ERC2: variants seen among roughly 807,000 people sequenced by gnomAD.
ERC2 encodes the protein ELKS/RAB6-interacting/CAST family member 2, also known as ERC protein 2.
A neutral mutation model predicts 114.8 loss-of-function variants in ERC2; 42 were observed. The observed-to-expected ratio is 0.37, with a 90% confidence interval of 0.29 to 0.47. The LOEUF is 0.47. ERC2 is among the 20% of genes least tolerant of loss of function. The pLI is 0.99. For missense variants in ERC2, 939 were observed against 1,150.7 expected (o/e 0.82, Z 2.66); for synonymous variants, 454 against 425.5 (o/e 1.07, Z -0.82).
intron 14 of ERC2, among the ~76,000 whole-genome samples, chr3:55,736,252 G>C (rs149533162): frequency 1.3e-5 from 2 of 152,066 alleles, no homozygotes; most frequent in Non-Finnish European, 2.9e-5. Context: ...AACACATTAC[G>C]CTAATCAGCC....
intron 2 of ERC2, among the ~76,000 whole-genome samples, chr3:56,429,971 T>A (rs2061722957): frequency 6.6e-6 from 1 of 152,116 alleles, no homozygotes; most frequent in Non-Finnish European, 1.5e-5. Context: ...GCAGGAGCCC[T>A]CGACAACGCT....
intron 3 of ERC2, among the ~76,000 whole-genome samples, chr3:56,289,339 G>A (rs1249246017): frequency 6.6e-6 from 1 of 151,956 alleles, no homozygotes; most frequent in Non-Finnish European, 1.5e-5. Flanking sequence ...CACACTCTTG[G>A]CAACCTGAAT....
chr3:55,787,093 A>C (rs1023311721), intron 14 of ERC2, among the ~76,000 whole-genome samples: 54 of 152,250 alleles, frequency 3.5e-4, no homozygotes, highest in African/African-American at 1.2e-3. Flanking sequence ...CTGAGCATCA[A>C]CTTACTCATC....
chr3:55,642,336 CT>C (rs1216580554), intron 17 of ERC2, among the ~76,000 whole-genome samples: 20 of 92,634 alleles, frequency 2.2e-4, no homozygotes, highest in African/African-American at 5.4e-4. Flanking sequence ...TTTTTCTTTT[CT>C]TTTTTTTTTT....
At chr3:56,018,239 C>T (rs1375729510) in intron 8 of ERC2, among the ~76,000 whole-genome samples, 1 of 152,158 alleles carries the variant, frequency 6.6e-6, no homozygotes, top group Non-Finnish European at 1.5e-5. Context: ...AATGAAGAAA[C>T]TGAGAGGTTA....
chr3:56,273,844 C>T (rs574721552), intron 3 of ERC2, among the ~76,000 whole-genome samples: 30 of 152,296 alleles, frequency 2.0e-4, no homozygotes, highest in Admixed American at 3.3e-4. Flanking sequence ...TTGTCATCTT[C>T]TGACAAGCGT....
At chr3:56,174,458 C>A (rs13098091) in intron 3 of ERC2, among the ~76,000 whole-genome samples, 34,979 of 152,060 alleles carry the variant, frequency 0.23, 4,746 homozygotes, top group Non-Finnish European at 0.3. Context: ...TTCAGGTCAC[C>A]TATGGAATAA....
chr3:55,799,157 A>G (rs922742611), intron 14 of ERC2, among the ~76,000 whole-genome samples: 6 of 151,948 alleles, frequency 3.9e-5, no homozygotes, highest in Admixed American at 6.6e-5. Context: ...CTGATCCAGC[A>G]ACCACCATGG....
At chr3:56,311,231 T>TTCTCTCTCTCTC (rs370683995) in intron 2 of ERC2, among the ~76,000 whole-genome samples, 7 of 96,314 alleles carry the variant, frequency 7.3e-5, no homozygotes, top group African/African-American at 2.0e-4. Context: ...ATCCATCATC[T>TTCTCTCTCTCTC]TCTCTCTCTC....
At chr3:56,361,112 T>C (rs1576593141) in intron 2 of ERC2, among the ~76,000 whole-genome samples, 1 of 152,040 alleles carries the variant, frequency 6.6e-6, no homozygotes, top group Non-Finnish European at 1.5e-5. Flanking sequence ...CAGGGGCTGA[T>C]TGTGAAAATT....
At chr3:56,224,062 CAG>C (rs1222537854) in intron 3 of ERC2, among the ~76,000 whole-genome samples, 1 of 152,152 alleles carries the variant, frequency 6.6e-6, no homozygotes, top group Non-Finnish European at 1.5e-5. Flanking sequence ...CATATACTCA[CAG>C]AGTTATGTAT....
chr3:55,906,486 C>T (rs2064457162), intron 13 of ERC2, among the ~76,000 whole-genome samples: 1 of 150,912 alleles, frequency 6.6e-6, no homozygotes, highest in Admixed American at 6.6e-5. Context: ...CCAGCAGCAG[C>T]AGCATCACCT....
chr3:56,313,041 G>A (rs1398981315), intron 2 of ERC2, among the ~76,000 whole-genome samples: 15 of 22,312 alleles, frequency 6.7e-4, no homozygotes, highest in African/African-American at 1.2e-3. Flanking sequence ...TATATATGGG[G>A]TGGGAGATGA....
Position 56,036,431 on chromosome 3 carries a change from A to G in ERC2, c.1642-17400T>C, listed in dbSNP as rs905282148. On this transcript the variant is annotated intron_variant, in intron 7 of 17. Transcript: ENST00000288221. ...CCGAATCTGGAAGGAGTAAAATTGC[A>G]TCTGTTTGCAGATGACATGATCTTA... is the stretch of plus-strand genomic sequence containing the variant. 2.0e-5 allele frequency among the ~76,000 whole-genome samples: 3 copies of G among 152,224 alleles called. No individual in the cohort carries two copies. In the East Asian group the frequency reaches 5.8e-4, roughly 29 times the overall value.
intron 14 of ERC2, among the ~76,000 whole-genome samples, chr3:55,798,605 A>G (rs555211526): frequency 6.6e-6 from 1 of 152,218 alleles, no homozygotes; most frequent in African/African-American, 2.4e-5. Flanking sequence ...TTCAAAAAAA[A>G]AAAAAAAGAA....
At chr3:55,911,278 T>G (rs753247494) in intron 13 of ERC2, among the ~76,000 whole-genome samples, 16 of 152,166 alleles carry the variant, frequency 1.1e-4, no homozygotes, top group Non-Finnish European at 2.2e-4. Flanking sequence ...CTAGAAGGCT[T>G]CAAAGATAAC....
intron 3 of ERC2, among the ~76,000 whole-genome samples, chr3:56,184,479 G>A (rs892225852): frequency 5.3e-5 from 8 of 152,108 alleles, no homozygotes; most frequent in Non-Finnish European, 1.0e-4. Context: ...ATTATCATAT[G>A]TAAAGCCCCA....
At chr3:56,260,734 A>C (rs1429781560) in intron 3 of ERC2, among the ~76,000 whole-genome samples, 1 of 151,868 alleles carries the variant, frequency 6.6e-6, no homozygotes, top group Non-Finnish European at 1.5e-5. Flanking sequence ...CCCATGTTCC[A>C]CTCCAGATCA....
chr3:55,888,636 A>G, intron 13 of ERC2, 87 bp from the exon 14 acceptor site: 1 of 1,512,732 alleles, frequency 6.6e-7, no homozygotes, highest in Non-Finnish European at 9.1e-7. Context: ...AACAACAAAC[A>G]CAAAGGAATC....
Sources: allele counts gnomAD v4.1 joint callset (sites outside exome capture counted in the v4.1 genomes callset), GRCh38; gene constraint gnomAD v4.1.1; transcripts MANE v1.5; gene names NCBI Gene and HGNC (gene_info 2026-07-23, HGNC 2026-07-21).